GRIN2A: variants seen among roughly 807,000 people sequenced by gnomAD.
GRIN2A encodes glutamate ionotropic receptor NMDA type subunit 2A.
GRIN2A carries 22 observed loss-of-function variants against 113.4 expected under a neutral mutation model. That is an observed-to-expected ratio of 0.19 (90% CI 0.14 to 0.28). GRIN2A has a LOEUF of 0.28. Ranked by LOEUF, GRIN2A falls within the 10% of genes least tolerant of loss-of-function variation. The pLI is 1.00. For missense variants in GRIN2A, 1,502 were observed against 1,887.0 expected (o/e 0.80, Z 3.78); for synonymous variants, 827 against 738.4 (o/e 1.12, Z -1.94).
At chr16:9,853,432 C>A (rs2042917758) in intron 4 of GRIN2A, among the ~76,000 whole-genome samples, 1 of 152,140 alleles carries the variant, frequency 6.6e-6, no homozygotes, top group Admixed American at 6.5e-5. Flanking sequence ...ATTGCCTTTT[C>A]CACCATATCA....
intron 2 of GRIN2A, among the ~76,000 whole-genome samples, chr16:10,134,427 T>C (rs1242641680): frequency 7.6e-6 from 1 of 132,070 alleles, no homozygotes. Context: ...AATTGAACAA[T>C]GAGAACACTT....
intron 2 of GRIN2A, among the ~76,000 whole-genome samples, chr16:10,022,341 G>A (rs572464262): frequency 3.4e-5 from 5 of 147,718 alleles, no homozygotes; most frequent in East Asian, 4.1e-4. Flanking sequence ...ACGCAAGCAC[G>A]CACATACGTG....
intron 2 of GRIN2A, among the ~76,000 whole-genome samples, chr16:10,109,867 T>G (rs530737153): frequency 1.3e-4 from 19 of 151,864 alleles, no homozygotes; most frequent in Non-Finnish European, 2.4e-4. Context: ...TATATACACC[T>G]ACTATGTACC....
At chr16:9,940,858 T>G (rs16966720) in intron 2 of GRIN2A, among the ~76,000 whole-genome samples, 1,923 of 152,196 alleles carry the variant, frequency 0.013, 22 homozygotes, top group African/African-American at 0.044. Context: ...TCCACAGAAC[T>G]TCATTAATGC....
In GRIN2A at chr16:9,849,961, C is replaced by T. The variant is rs746834456; in HGVS notation, c.1123G>A (p.Val375Met). The T allele has an allele frequency of 1.2e-6, 2 of 1,613,018 alleles. No individual in the cohort carries two copies. Among genetic ancestry groups the T allele is most frequent in the Non-Finnish European group, 8.5e-7 (1 of 1,179,222 alleles). The change falls in exon 5 of 13, where the codon GTG (valine) becomes ATG (methionine). Residue 375 changes from valine (V) to methionine (M), a missense_variant and splice_region_variant. Val to Met is a conservative substitution (Grantham distance 21). Transcript: ENST00000330684. ...AGCGTATGGTTCTCCCACTTGCCCA[C>T]CTGCAGCACAAACACAAAGACACAG... is the stretch of plus-strand genomic sequence containing the variant. ...VLNKDREWEK[V>M]GKWENHTLSL...
intron 2 of GRIN2A, among the ~76,000 whole-genome samples, chr16:10,066,926 A>G (rs1455711249): frequency 6.6e-6 from 1 of 152,220 alleles, no homozygotes; most frequent in Admixed American, 6.5e-5. Flanking sequence ...GTAAATACAT[A>G]CAATTAAATA....
intron 4 of GRIN2A, among the ~76,000 whole-genome samples, chr16:9,882,041 T>C (rs2043490747): frequency 6.6e-6 from 1 of 151,172 alleles, no homozygotes; most frequent in African/African-American, 2.5e-5. Flanking sequence ...TGATATCTCA[T>C]ACACACACAC....
At chr16:10,059,223 A>C (rs1333522283) in intron 2 of GRIN2A, among the ~76,000 whole-genome samples, 1 of 152,344 alleles carries the variant, frequency 6.6e-6, no homozygotes, top group East Asian at 1.9e-4. Flanking sequence ...TTGTGCCTTA[A>C]GTGCAGTGGG....
intron 2 of GRIN2A, among the ~76,000 whole-genome samples, chr16:9,953,321 C>A (rs1378020620): frequency 1.3e-5 from 2 of 152,170 alleles, no homozygotes; most frequent in Non-Finnish European, 2.9e-5. Context: ...AGGGACCCTG[C>A]TTTCTTCCTC....
chr16:9,854,280 A>G lies in GRIN2A; in HGVS notation c.1123-4319T>C, dbSNP rs72781988. ...GTATTCTCTCCCTTGCTCTTACTGCAACTTCAGCCCCCGAGACTCAGAGCC... is the reference window on the plus strand; with the variant it reads ...GTATTCTCTCCCTTGCTCTTACTGCGACTTCAGCCCCCGAGACTCAGAGCC... On this transcript the variant is annotated intron_variant, in intron 4 of 12. Transcript: ENST00000330684. Among the ~76,000 whole-genome samples, 1,275 of 152,156 alleles carry G rather than the reference A, an allele frequency of 8.4e-3. 4 individuals carry two copies. Among genetic ancestry groups the G allele is most frequent in the Non-Finnish European group, 0.013 (888 of 67,990 alleles).
At chr16:10,155,219 A>G (rs1162746295) in intron 2 of GRIN2A, among the ~76,000 whole-genome samples, 1 of 152,236 alleles carries the variant, frequency 6.6e-6, no homozygotes, top group African/African-American at 2.4e-5. Context: ...GGGGTCAGAA[A>G]TCAGGGATTT....
chr16:9,917,553 T>C (rs1353110481), intron 3 of GRIN2A, among the ~76,000 whole-genome samples: 1 of 152,252 alleles, frequency 6.6e-6, no homozygotes, highest in African/African-American at 2.4e-5. Flanking sequence ...AATGCACCAC[T>C]GTTCTACTGC....
chr16:9,959,701 T>C (rs576528230), intron 2 of GRIN2A, among the ~76,000 whole-genome samples: 120 of 152,294 alleles, frequency 7.9e-4, no homozygotes, highest in Non-Finnish European at 1.5e-3. Context: ...TGGCCAGGCA[T>C]GGCGGCTCAC....
chr16:9,988,462 C>A (rs2046031768), intron 2 of GRIN2A, among the ~76,000 whole-genome samples: 1 of 152,132 alleles, frequency 6.6e-6, no homozygotes, highest in Non-Finnish European at 1.5e-5. Flanking sequence ...CAGAAACCTT[C>A]CTCCAGCTCC....
chr16:10,130,243 CT>C (rs1330298194), intron 2 of GRIN2A, among the ~76,000 whole-genome samples: 31 of 152,324 alleles, frequency 2.0e-4, no homozygotes, highest in African/African-American at 7.2e-4. Flanking sequence ...GTAAAGCAAG[CT>C]GAATTTCCAG....
At chr16:9,809,832 CTGAGGAGGG>C (rs2042052114) in intron 10 of GRIN2A, among the ~76,000 whole-genome samples, 1 of 152,156 alleles carries the variant, frequency 6.6e-6, no homozygotes, top group African/African-American at 2.4e-5. Context: ...CTTTGGGAGG[CTGAGGAGGG>C]TGGATCCCCT....
chr16:9,781,175 C>T (rs1437702843), intron 11 of GRIN2A, among the ~76,000 whole-genome samples: 3 of 151,826 alleles, frequency 2.0e-5, no homozygotes, highest in East Asian at 1.9e-4. Context: ...ATGTAATGGG[C>T]CATAATTTGC....
chr16:10,088,527 G>T (rs1472538663), intron 2 of GRIN2A, among the ~76,000 whole-genome samples: 8 of 152,360 alleles, frequency 5.3e-5, no homozygotes, highest in African/African-American at 1.9e-4. Flanking sequence ...TGCTCCACAA[G>T]ATCAGCGTCT....
intron 7 of GRIN2A, among the ~76,000 whole-genome samples, chr16:9,836,844 C>T (rs1335142808): frequency 2.6e-5 from 4 of 152,164 alleles, no homozygotes; most frequent in Non-Finnish European, 5.9e-5. Context: ...CAACATTTGT[C>T]CATGAAGGAA....
Sources: gnomAD v4.1 joint callset for allele counts (sites outside exome capture counted in the v4.1 genomes callset) on GRCh38, gnomAD v4.1.1 for gene constraint, MANE v1.5 for transcripts, NCBI Gene and HGNC (gene_info 2026-07-23, HGNC 2026-07-21) for gene names.